The following KEL variants were observed in gnomAD, a reference collection of about 807,000 sequenced individuals.
The protein encoded by KEL is kell blood group glycoprotein.
In KEL, 96 loss-of-function variants were observed where a neutral mutation model predicts 99.5. The ratio of observed to expected loss-of-function variants is 0.97; its 90% CI spans 0.82 to 1.14. KEL has a LOEUF of 1.14. Ranked by LOEUF, KEL falls within the 50% of genes most tolerant of loss-of-function variation. The pLI is 0.00. For synonymous variants in KEL, 355 were observed against 354.8 expected, an observed-to-expected ratio of 1.00 and a Z score of -0.01; for missense variants, 926 against 924.2, an observed-to-expected ratio of 1.00 and a Z score of -0.03.
Position 142,955,563 on chromosome 7 carries a change from G to C in KEL, c.673-1036C>G, listed in dbSNP as rs1374063947. On this transcript the variant is annotated intron_variant, in intron 6 of 18. Transcript: ENST00000355265. Reference sequence around the variant, plus strand: ...AAAATACTATTTATCATGATACTGAGTTTTGGGGACCTTCTTAAATTAGCA... The same window carrying C: ...AAAATACTATTTATCATGATACTGACTTTTGGGGACCTTCTTAAATTAGCA... 3.3e-5 allele frequency among the ~76,000 whole-genome samples: 5 copies of C among 152,102 alleles called. No homozygotes were observed. The East Asian group carries it at 9.6e-4, about 29-fold the overall frequency.
chr7:142,958,520 A>G (rs573220097), intron 4 of KEL, 92 bp from the exon 5 acceptor site: 10 of 1,202,452 alleles, frequency 8.3e-6, no homozygotes, highest in East Asian at 2.4e-5. Flanking sequence ...GTCATGCCCT[A>G]TATCATAAGT....
intron 8 of KEL, 63 bp downstream of exon 8, chr7:142,954,121 G>T: frequency 6.7e-7 from 1 of 1,500,932 alleles, no homozygotes. Flanking sequence ...AAGAAGGAAA[G>T]GAGGTAATGT....
At position 142,944,691 on chromosome 7, in the gene KEL, T is replaced by C. The variant is rs761791464; in HGVS notation, c.1365A>G (p.Arg455=). 2 of 1,614,148 alleles carry C rather than the reference T, an allele frequency of 1.2e-6. No homozygotes were observed. Among genetic ancestry groups the C allele is most frequent in the South Asian group, 2.2e-5 (2 of 91,076 alleles). Residue 455 remains arginine (R), a synonymous_variant, in exon 12 of 19, where the codon AGA becomes AGG. Coordinates refer to ENST00000355265, the MANE Select transcript of KEL (RefSeq NM_000420.3). The stretch of plus-strand genomic sequence containing the variant: ...TCTCCTCATTCATCCAGGGAAGGTT[T>C]CTGAGGCGAGTGATGAGGGCATCCC... ...AIRDALITRL[R]NLPWMNEETQ... is the part of the protein sequence containing the mutation.
In KEL at chr7:142,944,688, G is replaced by T. The variant is rs780863752; in HGVS notation, c.1368C>A (p.Asn456Lys). The change falls in exon 12 of 19, where the codon AAC becomes AAA. Residue 456 changes from asparagine to lysine, a missense_variant. Coordinates refer to ENST00000355265, the MANE Select transcript of KEL (RefSeq NM_000420.3). ...GGGTCTCCTCATTCATCCAGGGAAGGTTTCTGAGGCGAGTGATGAGGGCAT... is the reference window on the plus strand; with the variant it reads ...GGGTCTCCTCATTCATCCAGGGAAGTTTTCTGAGGCGAGTGATGAGGGCAT... ...IRDALITRLR[N>K]LPWMNEETQN... 49 of 1,614,166 alleles carry T rather than the reference G, an allele frequency of 3.0e-5. No homozygotes were observed. Among genetic ancestry groups the T allele is most frequent in the Non-Finnish European group, 4.0e-5 (47 of 1,180,028 alleles).
intron 8 of KEL, 38 bp downstream of exon 8, chr7:142,954,146 C>T (rs773958652): frequency 1.3e-6 from 2 of 1,587,684 alleles, no homozygotes; most frequent in East Asian, 2.2e-5. Flanking sequence ...GAGGAAGATC[C>T]CCATGCCCAC....
At position 142,952,513 on chromosome 7, in the gene KEL, G is replaced by A. The variant is rs767483672; in HGVS notation, c.1199C>T (p.Pro400Leu). Residue 400 changes from proline (P) to leucine (L), a missense_variant, in exon 10 of 19, where the codon CCC becomes CTC. Coordinates refer to ENST00000355265, the MANE Select transcript of KEL (RefSeq NM_000420.3). ...QKLRELTEQP[P>L]MPARPRWMKC... ...TACACCCGCTCCTCTCCTCACCATG[G>A]GTGGTTGCTCTGTCAGTTCCCGCAG... The A allele has an allele frequency of 6.2e-7, 1 of 1,613,848 alleles. No individual in the cohort carries two copies. Among genetic ancestry groups the A allele is most frequent in the Non-Finnish European group, 8.5e-7 (1 of 1,180,014 alleles).
rs954329267 is a variant in KEL at position 142,957,722 on chromosome 7, C to G, written c.672+105G>C. On this transcript the variant is annotated intron_variant, in intron 6 of 18. Coordinates refer to ENST00000355265, the MANE Select transcript of KEL (RefSeq NM_000420.3). The stretch of plus-strand genomic sequence containing the variant: ...TAAGGTAGGGTTGTTTCCTATATCA[C>G]ACAGGTGTCCTCTCTTCCCAACCTG... The G allele has an allele frequency of 7.1e-6, 10 of 1,400,070 alleles. No homozygotes were observed. In the African/African-American group the frequency reaches 8.5e-5, roughly 12 times the overall value. 86.7% of individuals were successfully genotyped at this position (1,400,070 alleles called of 1,614,324 possible).
chr7:142,958,405 C>T lies in KEL; in HGVS notation c.424G>A (p.Gly142Ser). Reference sequence around the variant, plus strand: ...TGGAAGGCTTTCTCCTCCCCAGAGCCTGGGTGCCAGGAATTCTGGACCTCT... The same window carrying T: ...TGGAAGGCTTTCTCCTCCCCAGAGCTTGGGTGCCAGGAATTCTGGACCTCT... ...ILEVQNSWHPGSGEEKAFQFY... is the reference protein window; with the variant it reads ...ILEVQNSWHPSSGEEKAFQFY... Residue 142 changes from glycine (G) to serine (S), a missense_variant, in exon 5 of 19, where the codon GGC (glycine) becomes AGC (serine). Physicochemically the swap from Gly to Ser is moderately conservative, Grantham distance 56. Coordinates refer to ENST00000355265, the MANE Select transcript of KEL (RefSeq NM_000420.3). The T allele has an allele frequency of 6.2e-7, 1 of 1,614,118 alleles. No individual in the cohort carries two copies. The highest frequency in any genetic ancestry group is 8.5e-7 in the Non-Finnish European group (1 of 1,180,048).
Position 142,941,497 on chromosome 7 carries a change from A to T in KEL, c.2038-84T>A, listed in dbSNP as rs1016119292. 5 of 1,337,572 alleles carry T rather than the reference A, an allele frequency of 3.7e-6. No homozygotes were observed. The African/African-American group carries it at 5.9e-5, about 16-fold the overall frequency. 82.9% of individuals were successfully genotyped at this position (1,337,572 alleles called of 1,614,324 possible). A position where few individuals can be genotyped will look rare whatever the true frequency, so the allele number is the denominator to read the frequency against. ...GACAAGGGGTGATCAGGGACAGCAGACAAAGAGGGGAACCAGGGGATCAAG... is the reference window on the plus strand; with the variant it reads ...GACAAGGGGTGATCAGGGACAGCAGTCAAAGAGGGGAACCAGGGGATCAAG... On this transcript the variant is annotated intron_variant, in intron 18 of 18. Coordinates refer to ENST00000355265, the MANE Select transcript of KEL (RefSeq NM_000420.3).
At chr7:142,943,213 C>A in intron 16 of KEL, 63 bp downstream of exon 16, 1 of 1,589,950 alleles carries the variant, frequency 6.3e-7, no homozygotes, top group Non-Finnish European at 8.6e-7. Flanking sequence ...CCCTCCAGGC[C>A]TCCCTTGTGG....
At chr7:142,944,192 C>G (rs2116643264) in intron 13 of KEL, 131 bp downstream of exon 13, 1 of 809,592 alleles carries the variant, frequency 1.2e-6, no homozygotes. Flanking sequence ...CCATCAACCC[C>G]AGCCAGCACC....
intron 10 of KEL, among the ~76,000 whole-genome samples, chr7:142,951,186 T>C (rs6974425): frequency 0.082 from 12,531 of 152,282 alleles, 1,217 homozygotes; most frequent in African/African-American, 0.24. Context: ...GTGGAAAAGA[T>C]AATGGCTTCA....
At chr7:142,942,327 T>G in intron 18 of KEL, 107 bp downstream of exon 18, 1 of 756,054 alleles carries the variant, frequency 1.3e-6, no homozygotes, top group Non-Finnish European at 2.3e-6. Flanking sequence ...CAGAAGAGGG[T>G]TTGGGGTATT....
intron 4 of KEL, 39 bp from the exon 5 acceptor site, chr7:142,958,467 T>C (rs1201232202): frequency 6.2e-7 from 1 of 1,605,548 alleles, no homozygotes; most frequent in African/African-American, 1.3e-5. Flanking sequence ...AAACTCTGAT[T>C]TTTTTTATCT....
At chr7:142,952,369 G>T in intron 10 of KEL, 140 bp downstream of exon 10, 1 of 1,116,088 alleles carries the variant, frequency 9.0e-7, no homozygotes, top group Non-Finnish European at 1.3e-6. Flanking sequence ...CAACTTGCCT[G>T]CTTCTATGGA....
At chr7:142,942,217 G>A in intron 18 of KEL, 1 of 589,314 alleles carries the variant, frequency 1.7e-6, no homozygotes, top group Non-Finnish European at 3.0e-6. Flanking sequence ...TACCTTTTGA[G>A]TTGTGGGGGT....
At chr7:142,958,691 A>G (rs1851793) in intron 4 of KEL, among the ~76,000 whole-genome samples, 9,066 of 152,236 alleles carry the variant, frequency 0.06, 839 homozygotes, top group African/African-American at 0.2. Flanking sequence ...TTCTTTGTGG[A>G]GGAAAATTTG....
At chr7:142,959,960 C>T (rs1796914625) in intron 4 of KEL, among the ~76,000 whole-genome samples, 1 of 152,236 alleles carries the variant, frequency 6.6e-6, no homozygotes, top group Non-Finnish European at 1.5e-5. Flanking sequence ...CTTTAGGTTC[C>T]CTTGCACTGG....
chr7:142,956,564 C>A (rs1796835447), intron 6 of KEL, among the ~76,000 whole-genome samples: 1 of 152,096 alleles, frequency 6.6e-6, no homozygotes, highest in South Asian at 2.1e-4. Context: ...CTCCCAAATC[C>A]TCAATTAAAT....
Sources: gnomAD v4.1 joint callset for allele counts (sites outside exome capture counted in the v4.1 genomes callset) on GRCh38, gnomAD v4.1.1 for gene constraint, MANE v1.5 for transcripts, NCBI Gene and HGNC (gene_info 2026-07-23, HGNC 2026-07-21) for gene names.